Variants in ABCA2 observed in about 807,000 individuals in gnomAD.
ABCA2 encodes ATP binding cassette subfamily A member 2.
Under a neutral mutation model 262.8 loss-of-function variants are expected in ABCA2, and 84 were observed. The ratio of observed to expected loss-of-function variants is 0.32; its 90% CI spans 0.27 to 0.38. The LOEUF is 0.38. Among genes scored for constraint, ABCA2 ranks in the 10% least tolerant of loss-of-function variants. ABCA2 has a pLI of 1.00. For missense variants in ABCA2, 2,662 were observed against 3,405.9 expected (o/e 0.78, Z 5.44); for synonymous variants, 1,696 against 1,502.9 (o/e 1.13, Z -2.97).
rs868386880 is a variant in ABCA2 at position 137,019,425 on chromosome 9, T to G, written c.1426-119A>C. ...TTGCCAACAACTAACCCTCCCCACC[T>G]TTTTTTTTTTTTTTTTCCTGAGACA... is the stretch of plus-strand genomic sequence containing the variant. On this transcript the variant is annotated intron_variant, in intron 10 of 48. Coordinates refer to ENST00000341511, the MANE Select transcript of ABCA2 (RefSeq NM_001606.5). This position sits in a 1 kb window ranked among gnomAD's most constrained non-coding sequence, Gnocchi z 4.4. The G allele has an allele frequency of 1.7e-5, 3 of 178,056 alleles. No individual in the cohort carries two copies. Among genetic ancestry groups the G allele is most frequent in the Non-Finnish European group, 2.8e-5 (3 of 108,704 alleles). 11.0% of individuals were successfully genotyped at this position (178,056 alleles called of 1,614,324 possible).
Position 137,011,447 on chromosome 9 carries a change from G to A in ABCA2, c.5759C>T (p.Thr1920Ile), listed in dbSNP as rs772168636. 6.2e-7 allele frequency: 1 copy of A among 1,611,260 alleles called. No homozygotes were observed. The highest frequency in any genetic ancestry group is 8.5e-7 in the Non-Finnish European group (1 of 1,179,270). ...GAGCTGTAGCAGGAAGGTGGCCACG[G>A]TGGCGGTGATGCCGATGAAGAGATT... The part of the protein sequence containing the change: ...VINLFIGITA[T>I]VATFLLQLFE... The change falls in exon 37 of 49, where the codon ACC becomes ATC. Residue 1920 changes from threonine to isoleucine, a missense_variant. Thr to Ile is a moderately conservative substitution (Grantham distance 89). This residue lies in a region of ABCA2 where 602 missense variants were observed against 897.4 expected (regional missense o/e 0.67). Transcript: ENST00000341511. The surrounding 1 kb of genome is among the most constrained non-coding windows in gnomAD (Gnocchi z 8.8).
chr9:137,018,576 A>C (rs958081692), intron 13 of ABCA2, 143 bp downstream of exon 13: 10 of 325,026 alleles, frequency 3.1e-5, no homozygotes, highest in Non-Finnish European at 2.8e-5. Flanking sequence ...TGGAAGGGGC[A>C]GGGGTGGGGA....
Position 137,016,296 on chromosome 9 carries a change from G to A in ABCA2, c.3099C>T (p.Thr1033=), listed in dbSNP as rs2131448728. ...CCTGCCCCTCCGACACTCACATGGT[G>A]GTGGTCTTGCCCGCCCCGTTGTGGC... The part of the protein sequence containing the change: ...FLGHNGAGKT[T]TMSILTGLFP... Residue 1033 remains threonine (T), a synonymous_variant, in exon 21 of 49, where the codon ACC becomes ACT. Coordinates refer to ENST00000341511, the MANE Select transcript of ABCA2 (RefSeq NM_001606.5). 6.2e-7 allele frequency: 1 copy of A among 1,612,674 alleles called. No homozygotes were observed. Among genetic ancestry groups the A allele is most frequent in the East Asian group, 2.2e-5 (1 of 44,884 alleles).
At position 137,019,302 on chromosome 9, in the gene ABCA2, T is replaced by C. The variant is rs1403351204; in HGVS notation, c.1430A>G (p.Asn477Ser). Residue 477 changes from asparagine (N) to serine (S), a missense_variant, in exon 11 of 49, where the codon AAC (asparagine) becomes AGC (serine). By Grantham distance (46) the Asn-to-Ser change is conservative. This residue lies in a region of ABCA2 where 92 missense variants were observed against 146.7 expected (regional missense o/e 0.63). Transcript: ENST00000341511. This position sits in a 1 kb window ranked among gnomAD's most constrained non-coding sequence, Gnocchi z 4.4. ...SEVDRVILKA[N>S]ETFAFVGNVT... is the part of the protein sequence containing the mutation. ...GTTGCCCACAAAAGCAAAAGTCTCG[T>C]TGGCCTGCAGGGGGTGAGGCAGGGG... 6.2e-7 allele frequency: 1 copy of C among 1,612,398 alleles called. No individual in the cohort carries two copies. Among genetic ancestry groups the C allele is most frequent in the Non-Finnish European group, 8.5e-7 (1 of 1,179,772 alleles).
Position 137,015,946 on chromosome 9 carries a change from C to CAGGGGGGGGGGGGGGGGGGGGGGG in ABCA2, c.3317+15_3317+16insCCCCCCCCCCCCCCCCCCCCCCCT. 2.1e-6 allele frequency: 1 copy of CAGGGGGGGGGGGGGGGGGGGGGGG among 484,324 alleles called. No individual in the cohort carries two copies. Among genetic ancestry groups the CAGGGGGGGGGGGGGGGGGGGGGGG allele is most frequent in the Non-Finnish European group, 4.0e-6 (1 of 253,148 alleles). 30.0% of individuals were successfully genotyped at this position (484,324 alleles called of 1,614,324 possible). A position where few individuals can be genotyped will look rare whatever the true frequency, so the allele number is the denominator to read the frequency against. ...GCCTCCGCCCACCTGCCCCGCCCCC[C>CAGGGGGGGGGGGGGGGGGGGGGGG]GCCCAGCCCACCCACTTGTCCATCT... is the stretch of plus-strand genomic sequence containing the variant. On this transcript the variant is annotated intron_variant, in intron 22 of 48. Transcript: ENST00000341511.
chr9:137,014,872 C>T (rs1408084628), intron 25 of ABCA2, 41 bp downstream of exon 25: 12 of 1,577,056 alleles, frequency 7.6e-6, no homozygotes, highest in Non-Finnish European at 1.0e-5. Context: ...GCGCCCACCT[C>T]CACCACCTGC....
rs1419693776 is a variant in ABCA2, at chr9:137,011,614, C to T, written c.5651+20G>A. On this transcript the variant is annotated intron_variant, in intron 36 of 48. Transcript: ENST00000341511. The surrounding 1 kb of genome is among the most constrained non-coding windows in gnomAD (Gnocchi z 8.8). ...GCCCCGGTCCCACCTGAGGCCGCTC[C>T]CCCCTCCGCTTCCGCTTACCCATAG... 2 of 1,553,222 alleles carry T rather than the reference C, an allele frequency of 1.3e-6. No individual in the cohort carries two copies. Among genetic ancestry groups the T allele is most frequent in the Admixed American group, 2.0e-5 (1 of 51,236 alleles).
Position 137,023,981 on chromosome 9 carries a change from C to T in ABCA2, c.161-141G>A, listed in dbSNP as rs145638374. 1.6e-4 allele frequency: 245 copies of T among 1,533,076 alleles called. 2 individuals carry two copies. In the East Asian group the frequency reaches 5.8e-3, roughly 36 times the overall value. The allele number at this position is 1,533,076 out of a possible 1,614,324, so 95.0% of individuals were successfully genotyped here. On this transcript the variant is annotated intron_variant, in intron 2 of 48. Transcript: ENST00000341511. ...GGCCACAGGCCAGCCCCGACCTCCA[C>T]AGCCCAGCCAGGAGGCACGGCCCAG...
In ABCA2 at chr9:137,018,225, T is replaced by C. The variant is rs373480933; in HGVS notation, c.1946A>G (p.Asn649Ser). 7.8e-5 allele frequency: 125 copies of C among 1,610,080 alleles called. No homozygotes were observed. The highest frequency in any genetic ancestry group is 1.0e-4 in the Non-Finnish European group (118 of 1,179,540). The change falls in exon 14 of 49, where the codon AAT becomes AGT. Residue 649 changes from asparagine to serine, a missense_variant. By Grantham distance (46) the Asn-to-Ser change is conservative (BLOSUM62 1). Around this residue, in one of 12 missense-constraint regions of ABCA2, gnomAD observed 187 missense variants for 205.9 expected, o/e 0.91. Coordinates refer to ENST00000341511, the MANE Select transcript of ABCA2 (RefSeq NM_001606.5). ...IRRAYWRPGP[N>S]TGGRFYFLYG... ...GAGGAAGTAGAAGCGGCCGCCAGTATTGGGCCCAGGCCGCCAGTAGGCGCG... is the reference window on the plus strand; with the variant it reads ...GAGGAAGTAGAAGCGGCCGCCAGTACTGGGCCCAGGCCGCCAGTAGGCGCG...
In ABCA2 at chr9:137,012,847, C is replaced by G; in HGVS notation, c.4946G>C (p.Gly1649Ala). 6.2e-7 allele frequency: 1 copy of G among 1,608,932 alleles called. No homozygotes were observed. The highest frequency in any genetic ancestry group is 8.5e-7 in the Non-Finnish European group (1 of 1,178,138). The change falls in exon 31 of 49, where the codon GGC (glycine) becomes GCC (alanine). Residue 1649 changes from glycine (G) to alanine (A), a missense_variant. Gly to Ala is a moderately conservative substitution (Grantham distance 60, BLOSUM62 0). Around this residue, in one of 12 missense-constraint regions of ABCA2, gnomAD observed 192 missense variants for 207.2 expected, o/e 0.93. Transcript: ENST00000341511. ...VRCTCSAQGT[G>A]FSCPSSVGGH... Reference sequence around the variant, plus strand: ...GCCCACACTGCTGGGGCAGGAGAAGCCGGTGCCCTGCGCAGAGCAGGTGCA... The same window carrying G: ...GCCCACACTGCTGGGGCAGGAGAAGGCGGTGCCCTGCGCAGAGCAGGTGCA...
intron 24 of ABCA2, 109 bp from the exon 25 acceptor site, chr9:137,015,206 GC>G: frequency 7.6e-7 from 1 of 1,315,494 alleles, no homozygotes; most frequent in Non-Finnish European, 1.0e-6. Flanking sequence ...GAAGAACCAG[GC>G]CCCAGCAGGT....
chr9:137,010,282 G>T lies in ABCA2; in HGVS notation c.6264C>A (p.Gly2088=). ...TGCTGGTCTTGCCCGCACCGTTGAC[G>T]CCCAGGAGCCCGAAGCACTCGCCAG... is the stretch of plus-strand genomic sequence containing the variant. ...VRPGECFGLL[G]VNGAGKTSTF... Residue 2088 remains glycine, a synonymous_variant, in exon 41 of 49, where the codon GGC becomes GGA. Transcript: ENST00000341511. The T allele has an allele frequency of 3.8e-6, 6 of 1,595,164 alleles. No homozygotes were observed. Among genetic ancestry groups the T allele is most frequent in the Non-Finnish European group, 5.1e-6 (6 of 1,172,008 alleles).
upstream of ABCA2, chr9:137,028,845 G>C (rs903648158): frequency 7.6e-7 from 1 of 1,322,870 alleles, no homozygotes; most frequent in Admixed American, 2.2e-5. The surrounding 1 kb of genome is among the most constrained non-coding windows in gnomAD (Gnocchi z 6.9). Context: ...GGCGGCCCCT[G>C]CTGCACGCGG....
rs1831270750 is a variant in ABCA2 at position 137,016,689 on chromosome 9, G to A, written c.2808C>T (p.Tyr936=). ...RPWYFPLQKS[Y]WLGSGRTEAW... ...CTTCTGTCCGCCCACTGCCCAGCCA[G>A]TAGGACTTCTGCAGTGGGAAGTACC... Residue 936 remains tyrosine, a synonymous_variant, in exon 20 of 49, where the codon TAC becomes TAT. Coordinates refer to ENST00000341511, the MANE Select transcript of ABCA2 (RefSeq NM_001606.5). The A allele has an allele frequency of 6.3e-7, 1 of 1,591,676 alleles. No individual in the cohort carries two copies. Among genetic ancestry groups the A allele is most frequent in the African/African-American group, 1.3e-5 (1 of 74,536 alleles).
At chr9:137,013,711 G>T in intron 28 of ABCA2, 121 bp downstream of exon 28, 1 of 1,355,886 alleles carries the variant, frequency 7.4e-7, no homozygotes. Flanking sequence ...CCCGGTGCGT[G>T]CCCAGCCTCA....
chr9:137,017,531 T>A lies in ABCA2; in HGVS notation c.2373A>T (p.Ala791=). 1 of 1,610,098 alleles carries A rather than the reference T, an allele frequency of 6.2e-7. No individual in the cohort carries two copies. Among genetic ancestry groups the A allele is most frequent in the Non-Finnish European group, 8.5e-7 (1 of 1,177,782 alleles). The change falls in exon 17 of 49, where the codon GCA becomes GCT. Residue 791 remains alanine, a synonymous_variant. Transcript: ENST00000341511. ...SHVVIIWLFL[A]VYAVATIMFC... The stretch of plus-strand genomic sequence containing the variant: ...ACATGATGGTGGCCACCGCGTAGAC[T>A]GCCAGGAAGAGCCAGATGATGACCA...
At chr9:137,028,776 AG>A (rs749054833), upstream of ABCA2, 7 of 1,288,834 alleles carry the variant, frequency 5.4e-6, no homozygotes, top group African/African-American at 3.2e-5. The surrounding 1 kb of genome is among the most constrained non-coding windows in gnomAD (Gnocchi z 6.9). Context: ...AGCCAGCGGA[AG>A]GGGGGAAACT....
At chr9:137,023,758 G>A (rs938867075) in intron 3 of ABCA2, 80 bp downstream of exon 3, 12 of 719,110 alleles carry the variant, frequency 1.7e-5, no homozygotes, top group Non-Finnish European at 2.6e-6. Context: ...CAAGCGGGGA[G>A]GGCGCTCAAG....
chr9:137,010,212 C>T lies in ABCA2; in HGVS notation c.6334G>A (p.Ala2112Thr), dbSNP rs1830984718. The T allele has an allele frequency of 6.2e-7, 1 of 1,604,430 alleles. No homozygotes were observed. Among genetic ancestry groups the T allele is most frequent in the African/African-American group, 1.3e-5 (1 of 74,784 alleles). The change falls in exon 41 of 49, where the codon GCC becomes ACC. Residue 2112 changes from alanine to threonine, a missense_variant. By Grantham distance (58) the Ala-to-Thr change is moderately conservative. Coordinates refer to ENST00000341511, the MANE Select transcript of ABCA2 (RefSeq NM_001606.5). Reference protein sequence around the residue: ...TGDESTTGGEAFVNGHSVLKE... With the variant: ...TGDESTTGGETFVNGHSVLKE... Reference sequence around the variant, plus strand: ...CCCCACCTGTGTCCATTGACGAAGGCCTCGCCCCCCGTCGTGCTCTCGTCG... The same window carrying T: ...CCCCACCTGTGTCCATTGACGAAGGTCTCGCCCCCCGTCGTGCTCTCGTCG...
Sources: allele counts gnomAD v4.1 joint callset, GRCh38; gene constraint gnomAD v4.1.1; regional missense constraint gnomAD v4.1.1; non-coding constraint Gnocchi (gnomAD v3.1); transcripts MANE v1.5; gene names NCBI Gene and HGNC (gene_info 2026-07-23, HGNC 2026-07-21).